The following L3MBTL4 variants were observed in gnomAD, a reference collection of about 807,000 sequenced individuals.
The protein encoded by L3MBTL4 is lethal(3)malignant brain tumor-like protein 4.
L3MBTL4 carries 70 observed loss-of-function variants against 84.5 expected under a neutral mutation model. That is an observed-to-expected ratio of 0.83 (90% CI 0.68 to 1.01). The LOEUF (loss-of-function observed/expected upper bound fraction) is 1.01, where lower values mean the gene tolerates loss of function less well. L3MBTL4 is among the 50% of genes least tolerant of loss of function. The pLI, the probability that L3MBTL4 is intolerant of heterozygous loss-of-function variation, is 0.00. For synonymous variants in L3MBTL4, 274 were observed against 259.8 expected, an observed-to-expected ratio of 1.05 and a Z score of -0.52; for missense variants, 715 against 754.8, an observed-to-expected ratio of 0.95 and a Z score of 0.62.
At chr18:6,015,428 ACT>A (rs2054922198) in intron 16 of L3MBTL4, among the ~76,000 whole-genome samples, 1 of 151,824 alleles carries the variant, frequency 6.6e-6, no homozygotes, top group African/African-American at 2.4e-5. Flanking sequence ...AAACCCAGAG[ACT>A]CTTCTCATCA....
At chr18:5,958,474 C>T (rs1252380026) in intron 18 of L3MBTL4, among the ~76,000 whole-genome samples, 1 of 152,120 alleles carries the variant, frequency 6.6e-6, no homozygotes, top group Non-Finnish European at 1.5e-5. Context: ...CCCCATTGTC[C>T]TAAGAATAAG....
intron 18 of L3MBTL4, among the ~76,000 whole-genome samples, chr18:5,958,161 A>G (rs1322957309): frequency 1.1e-5 from 1 of 95,192 alleles, no homozygotes; most frequent in Non-Finnish European, 2.1e-5. Context: ...GAAGAAGAAC[A>G]AGAAGAAGAA....
Position 6,414,704 on chromosome 18 carries a change from C to T in L3MBTL4, c.-91+97G>A, listed in dbSNP as rs1363697632. 2 of 151,964 alleles carry T rather than the reference C, an allele frequency of 1.3e-5. No homozygotes were observed. The highest frequency in any genetic ancestry group is 2.9e-5 in the Non-Finnish European group (2 of 67,996). The allele number at this position is 151,964 out of a possible 1,614,324, so 9.4% of individuals were successfully genotyped here. ...CGCCGCGGGAGTCGTGCAGGCCCCT[C>T]TACCTGCCCGGGGATGGGGCCACCC... On this transcript the variant is annotated intron_variant, in intron 1 of 18. Transcript: ENST00000317931. This position sits in a 1 kb window ranked among gnomAD's most constrained non-coding sequence, Gnocchi z 5.4.
chr18:6,180,683 A>T (rs1210517689), intron 12 of L3MBTL4, among the ~76,000 whole-genome samples: 1 of 152,230 alleles, frequency 6.6e-6, no homozygotes, highest in East Asian at 1.9e-4. Context: ...TTCTTAAAGC[A>T]GTGTTTTTCA....
intron 16 of L3MBTL4, among the ~76,000 whole-genome samples, chr18:6,037,558 A>C (rs369394437): frequency 1.7e-4 from 26 of 152,380 alleles, no homozygotes; most frequent in South Asian, 8.3e-4. Flanking sequence ...CTCTACATGG[A>C]AATTTGTGCA....
intron 12 of L3MBTL4, among the ~76,000 whole-genome samples, chr18:6,199,904 C>T (rs2145638959): frequency 6.6e-6 from 1 of 152,240 alleles, no homozygotes; most frequent in South Asian, 2.1e-4. Context: ...CACTGCAATA[C>T]CCAGGGCCCA....
chr18:6,362,287 A>T (rs1269218958), intron 1 of L3MBTL4, among the ~76,000 whole-genome samples: 2 of 151,524 alleles, frequency 1.3e-5, no homozygotes, highest in East Asian at 3.9e-4. Flanking sequence ...AAAAGAAAGA[A>T]GAGAAAGAAA....
intron 16 of L3MBTL4, among the ~76,000 whole-genome samples, chr18:5,991,042 C>T (rs2053674598): frequency 6.6e-6 from 1 of 152,074 alleles, no homozygotes; most frequent in Admixed American, 6.5e-5. Context: ...CTCTTGGTCC[C>T]CTGAATGCAT....
intron 16 of L3MBTL4, among the ~76,000 whole-genome samples, chr18:6,020,701 G>A (rs2055209621): frequency 6.6e-6 from 1 of 152,164 alleles, no homozygotes; most frequent in African/African-American, 2.4e-5. Flanking sequence ...TTGGTTATAG[G>A]TGATTTGTGA....
chr18:5,992,475 G>C (rs979832494), intron 16 of L3MBTL4, among the ~76,000 whole-genome samples: 1 of 152,138 alleles, frequency 6.6e-6, no homozygotes, highest in African/African-American at 2.4e-5. Flanking sequence ...AGAACATTAA[G>C]TACTTTGAAC....
At chr18:6,284,806 C>A (rs564533789) in intron 4 of L3MBTL4, among the ~76,000 whole-genome samples, 1 of 152,244 alleles carries the variant, frequency 6.6e-6, no homozygotes, top group East Asian at 1.9e-4. Context: ...GCAGCTAGAG[C>A]GACCTTGGCC....
At chr18:6,089,886 C>T (rs568334968) in intron 15 of L3MBTL4, among the ~76,000 whole-genome samples, 1 of 152,226 alleles carries the variant, frequency 6.6e-6, no homozygotes, top group Non-Finnish European at 1.5e-5. Context: ...GTTTCAGTCC[C>T]AGATAAGCTT....
chr18:6,247,082 A>G (rs919097594), intron 5 of L3MBTL4, among the ~76,000 whole-genome samples: 4 of 152,192 alleles, frequency 2.6e-5, no homozygotes, highest in African/African-American at 9.7e-5. Flanking sequence ...ACATAGATAG[A>G]GAAACATGTG....
intron 1 of L3MBTL4, among the ~76,000 whole-genome samples, chr18:6,320,543 GATGA>G (rs921783561): frequency 2.0e-5 from 3 of 151,728 alleles, no homozygotes; most frequent in African/African-American, 7.3e-5. Flanking sequence ...CAACCAAGGA[GATGA>G]ATGATCTCTA....
At chr18:6,143,983 G>T (rs2042533114) in intron 13 of L3MBTL4, among the ~76,000 whole-genome samples, 1 of 152,074 alleles carries the variant, frequency 6.6e-6, no homozygotes, top group African/African-American at 2.4e-5. Flanking sequence ...GGATCACAAG[G>T]TCAGGAGATC....
At chr18:5,959,564 G>A (rs1390263727) in intron 18 of L3MBTL4, among the ~76,000 whole-genome samples, 6 of 152,134 alleles carry the variant, frequency 3.9e-5, no homozygotes, top group Non-Finnish European at 7.4e-5. Flanking sequence ...CCCCGTAGAA[G>A]GATTTGGGGC....
At chr18:6,186,754 T>A (rs527687888) in intron 12 of L3MBTL4, among the ~76,000 whole-genome samples, 1 of 152,164 alleles carries the variant, frequency 6.6e-6, no homozygotes, top group East Asian at 1.9e-4. Context: ...AAGGTCAGGG[T>A]ACGCAGAGAG....
chr18:6,232,258 C>A (rs1355484089), intron 10 of L3MBTL4, among the ~76,000 whole-genome samples: 2 of 151,996 alleles, frequency 1.3e-5, no homozygotes, highest in South Asian at 2.1e-4. Flanking sequence ...TGTATGTAAT[C>A]TTTTTCATAT....
intron 1 of L3MBTL4, among the ~76,000 whole-genome samples, chr18:6,320,678 T>TA (rs1472141486): frequency 6.6e-6 from 1 of 152,128 alleles, no homozygotes; most frequent in Non-Finnish European, 1.5e-5. Context: ...CAAAACAATC[T>TA]ACAAATTCAA....
Sources: allele counts gnomAD v4.1 joint callset (sites outside exome capture counted in the v4.1 genomes callset), GRCh38; gene constraint gnomAD v4.1.1; non-coding constraint Gnocchi (gnomAD v3.1); transcripts MANE v1.5; gene names NCBI Gene and HGNC (gene_info 2026-07-23, HGNC 2026-07-21).